Variants in NR5A2 observed in about 807,000 individuals in gnomAD.
NR5A2 encodes the protein nuclear receptor subfamily 5 group A member 2.
A neutral mutation model predicts 62.7 loss-of-function variants in NR5A2; 26 were observed. The ratio of observed to expected loss-of-function variants is 0.41; its 90% confidence interval spans 0.30 to 0.58. The LOEUF is 0.58. Among genes scored for constraint, NR5A2 ranks in the 20% least tolerant of loss-of-function variants. NR5A2 has a pLI of 0.22. For missense variants in NR5A2, 541 were observed against 669.1 expected (o/e 0.81, Z 2.11); for synonymous variants, 246 against 241.7 (o/e 1.02, Z -0.16).
At chr1:200,116,695 T>G (rs925273111) in intron 6 of NR5A2, among the ~76,000 whole-genome samples, 5 of 152,214 alleles carry the variant, frequency 3.3e-5, no homozygotes, top group Non-Finnish European at 5.9e-5. Context: ...TAAATAGCCT[T>G]GTTAAGCAAA....
intron 5 of NR5A2, among the ~76,000 whole-genome samples, chr1:200,082,319 A>T (rs1664333784): frequency 6.6e-6 from 1 of 152,250 alleles, no homozygotes. Flanking sequence ...AATTATGATC[A>T]TATTTTTGTA....
At chr1:200,127,004 G>A (rs770308062) in intron 7 of NR5A2, among the ~76,000 whole-genome samples, 2 of 152,128 alleles carry the variant, frequency 1.3e-5, no homozygotes, top group Non-Finnish European at 2.9e-5. Context: ...CTTCAGTAAT[G>A]TTAATAATAA....
intron 7 of NR5A2, among the ~76,000 whole-genome samples, chr1:200,151,319 AGATTATGCCAT>A (rs1029331040): frequency 5.9e-5 from 9 of 152,196 alleles, no homozygotes; most frequent in African/African-American, 2.2e-4. Context: ...TCAATTCTTA[AGATTATGCCAT>A]GATTTACTGT....
At chr1:200,136,465 T>C (rs142927058) in intron 7 of NR5A2, among the ~76,000 whole-genome samples, 1 of 152,378 alleles carries the variant, frequency 6.6e-6, no homozygotes, top group East Asian at 1.9e-4. Context: ...GAGTACATTA[T>C]ACCTGTTGTT....
At chr1:200,052,507 TTTCC>T (rs1379492408) in intron 5 of NR5A2, among the ~76,000 whole-genome samples, 2 of 152,076 alleles carry the variant, frequency 1.3e-5, no homozygotes, top group African/African-American at 4.8e-5. Context: ...TATCTGTCCT[TTTCC>T]TTGGTAACTT....
chr1:200,079,798 C>T (rs887162286), intron 5 of NR5A2, among the ~76,000 whole-genome samples: 7 of 151,848 alleles, frequency 4.6e-5, no homozygotes, highest in Admixed American at 6.6e-5. Context: ...CCTTTTGAAC[C>T]GTGAGGCAAG....
At chr1:200,114,009 C>A (rs1164655118) in intron 6 of NR5A2, among the ~76,000 whole-genome samples, 1 of 151,986 alleles carries the variant, frequency 6.6e-6, no homozygotes, top group Non-Finnish European at 1.5e-5. Flanking sequence ...GGTGAAGCCC[C>A]ATCTCCACTA....
chr1:200,142,375 T>G (rs1667484186), intron 7 of NR5A2, among the ~76,000 whole-genome samples: 1 of 151,848 alleles, frequency 6.6e-6, no homozygotes, highest in South Asian at 2.1e-4. Flanking sequence ...AATTTTTGTA[T>G]TTTTATAGAG....
chr1:200,028,284 C>T (rs926387678), intron 1 of NR5A2, among the ~76,000 whole-genome samples: 2 of 151,808 alleles, frequency 1.3e-5, no homozygotes, highest in African/African-American at 4.8e-5. Context: ...ATTGAGTGAT[C>T]ATTGATCAAA....
At position 200,176,851 on chromosome 1, in the gene NR5A2, C is replaced by T. The variant is rs1039019969; in HGVS notation, c.*2641C>T. The T allele has an allele frequency of 2.6e-5, 4 of 152,006 alleles. No homozygotes were observed. Among genetic ancestry groups the T allele is most frequent in the African/African-American group, 9.7e-5 (4 of 41,370 alleles). 9.4% of individuals were successfully genotyped at this position (152,006 alleles called of 1,614,324 possible). The stretch of plus-strand genomic sequence containing the variant: ...TCTCTTATTTTAAAGATACAGTGCT[C>T]CCCACTGAAAATTAAACCTAAAAAA... On this transcript the variant is annotated 3_prime_UTR_variant, in exon 8 of 8. Transcript: ENST00000367362.
chr1:200,077,847 G>A (rs1355174655), intron 5 of NR5A2, among the ~76,000 whole-genome samples: 1 of 152,134 alleles, frequency 6.6e-6, no homozygotes, highest in Admixed American at 6.5e-5. Flanking sequence ...TAGGGCTCTC[G>A]CAGTTTTTGA....
chr1:200,169,917 A>G (rs999025222), intron 7 of NR5A2, among the ~76,000 whole-genome samples: 4 of 152,232 alleles, frequency 2.6e-5, no homozygotes, highest in Non-Finnish European at 5.9e-5. Context: ...AATCCAGCCT[A>G]AAATGCCACA....
At chr1:200,127,709 A>T (rs6427802) in intron 7 of NR5A2, among the ~76,000 whole-genome samples, 3,110 of 21,622 alleles carry the variant, frequency 0.14, 443 homozygotes, top group Middle Eastern at 0.21. Flanking sequence ...AAAAAAAAAA[A>T]ATATATATAT....
intron 5 of NR5A2, among the ~76,000 whole-genome samples, chr1:200,090,062 A>T (rs6686012): frequency 0.12 from 18,283 of 152,162 alleles, 1,143 homozygotes; most frequent in African/African-American, 0.18. Context: ...ATGGGATGTA[A>T]GATGATCGCA....
Position 200,159,640 on chromosome 1 carries a change from T to TTTATTA in NR5A2, c.1379-14302_1379-14297dup, listed in dbSNP as rs59297519. 4.6e-3 allele frequency among the ~76,000 whole-genome samples: 683 copies of TTTATTA among 148,628 alleles called. 2 individuals carry two copies. The highest frequency in any genetic ancestry group is 0.019 in the East Asian group (95 of 5,056). On this transcript the variant is annotated intron_variant, in intron 7 of 7. Coordinates refer to ENST00000367362, the MANE Select transcript of NR5A2 (RefSeq NM_205860.3). Reference sequence around the variant, plus strand: ...CATTTTGAAAAGATTTTTTAAATTATTTATTATTATTATTATTATTATTAT... The same window carrying TTTATTA: ...CATTTTGAAAAGATTTTTTAAATTATTTATTATTATTATTATTATTATTATTATTAT...
intron 5 of NR5A2, among the ~76,000 whole-genome samples, chr1:200,077,020 C>T (rs1664072165): frequency 6.6e-6 from 1 of 152,130 alleles, no homozygotes; most frequent in Non-Finnish European, 1.5e-5. Flanking sequence ...ACAAACTATC[C>T]TTTTTCAAGA....
intron 6 of NR5A2, among the ~76,000 whole-genome samples, chr1:200,120,164 TA>T (rs2102309360): frequency 6.6e-6 from 1 of 152,304 alleles, no homozygotes; most frequent in Non-Finnish European, 1.5e-5. Context: ...AAGAATAATT[TA>T]AATGTGATTC....
chr1:200,111,668 G>A (rs1286004672), intron 6 of NR5A2, among the ~76,000 whole-genome samples: 1 of 152,154 alleles, frequency 6.6e-6, no homozygotes, highest in African/African-American at 2.4e-5. Flanking sequence ...TTTGTCAGCT[G>A]TTTTAAAACC....
At chr1:200,167,800 C>A (rs1266734232) in intron 7 of NR5A2, among the ~76,000 whole-genome samples, 1 of 152,144 alleles carries the variant, frequency 6.6e-6, no homozygotes, top group African/African-American at 2.4e-5. Flanking sequence ...TGTATATAGA[C>A]CACTGTCTGC....
Sources: allele counts gnomAD v4.1 joint callset (sites outside exome capture counted in the v4.1 genomes callset), GRCh38; gene constraint gnomAD v4.1.1; transcripts MANE v1.5; gene names NCBI Gene and HGNC (gene_info 2026-07-23, HGNC 2026-07-21).